Variants in FARS2 observed in about 807,000 individuals in gnomAD.
FARS2 encodes the protein phenylalanine--tRNA ligase, mitochondrial.
In FARS2, 40 loss-of-function variants were observed where a neutral mutation model predicts 46.4. The observed-to-expected ratio is 0.86, with a 90% CI of 0.67 to 1.12. FARS2 has a LOEUF of 1.12. FARS2 is among the 50% of genes most tolerant of loss of function. The pLI is 0.00. For missense variants in FARS2, 513 were observed against 567.9 expected (o/e 0.90, Z 0.98); for synonymous variants, 234 against 214.9 (o/e 1.09, Z -0.78).
At chr6:5,325,238 A>G (rs950772479) in intron 1 of FARS2, among the ~76,000 whole-genome samples, 2 of 152,212 alleles carry the variant, frequency 1.3e-5, no homozygotes, top group African/African-American at 4.8e-5. Context: ...GTCAAAGGAT[A>G]GAGGAACTGC....
intron 1 of FARS2, among the ~76,000 whole-genome samples, chr6:5,350,188 TGTA>T (rs1757489455): frequency 7.5e-6 from 1 of 132,774 alleles, no homozygotes; most frequent in Non-Finnish European, 1.6e-5. Flanking sequence ...TTTTTTTTTT[TGTA>T]GAGTTGGGGT....
upstream of FARS2, among the ~76,000 whole-genome samples, chr6:5,258,683 G>GT (rs1294632359): frequency 3.9e-5 from 6 of 152,142 alleles, no homozygotes; most frequent in Non-Finnish European, 5.9e-5. Flanking sequence ...ATGATCTCAG[G>GT]TAACAGTATA....
At chr6:5,470,660 C>A (rs569085667) in intron 4 of FARS2, among the ~76,000 whole-genome samples, 3 of 152,084 alleles carry the variant, frequency 2.0e-5, no homozygotes. Flanking sequence ...TTCTGTATAG[C>A]GCATGGGACT....
At chr6:5,508,437 G>A (rs1223690378) in intron 4 of FARS2, among the ~76,000 whole-genome samples, 1 of 152,178 alleles carries the variant, frequency 6.6e-6, no homozygotes, top group East Asian at 1.9e-4. Flanking sequence ...GTGAACACAT[G>A]ACAGCAGGGA....
chr6:5,296,376 C>CAT (rs958772125), intron 1 of FARS2, among the ~76,000 whole-genome samples: 6 of 152,014 alleles, frequency 3.9e-5, no homozygotes, highest in Non-Finnish European at 8.8e-5. Flanking sequence ...CTCCTGACCT[C>CAT]GTGATCCGCC....
At chr6:5,347,653 T>C (rs1757323249) in intron 1 of FARS2, among the ~76,000 whole-genome samples, 1 of 152,216 alleles carries the variant, frequency 6.6e-6, no homozygotes, top group Non-Finnish European at 1.5e-5. Context: ...GAGTATTTTT[T>C]CTTGGTTAAA....
intron 1 of FARS2, among the ~76,000 whole-genome samples, chr6:5,332,956 C>G (rs1770901200): frequency 6.6e-6 from 1 of 152,126 alleles, no homozygotes; most frequent in Non-Finnish European, 1.5e-5. Flanking sequence ...TGACCCAGCT[C>G]TTAGGTTTAT....
intron 1 of FARS2, among the ~76,000 whole-genome samples, chr6:5,265,582 A>G (rs551042346): frequency 5.9e-5 from 9 of 152,310 alleles, no homozygotes; most frequent in African/African-American, 1.7e-4. Context: ...TTATTTATTT[A>G]CCTGTGCATT....
At chr6:5,605,898 T>C (rs574514937) in intron 5 of FARS2, among the ~76,000 whole-genome samples, 2 of 152,210 alleles carry the variant, frequency 1.3e-5, no homozygotes, top group South Asian at 2.1e-4. Flanking sequence ...AAATGAGTGA[T>C]AGATTCATTA....
intron 6 of FARS2, among the ~76,000 whole-genome samples, chr6:5,744,303 G>A (rs1761521967): frequency 6.6e-6 from 1 of 152,198 alleles, no homozygotes; most frequent in African/African-American, 2.4e-5. Flanking sequence ...CTCATGAATC[G>A]AATTCAGTCC....
intron 6 of FARS2, among the ~76,000 whole-genome samples, chr6:5,726,972 G>A (rs1232085949): frequency 1.4e-4 from 21 of 152,242 alleles, no homozygotes; most frequent in Admixed American, 1.0e-3. Context: ...GTTAAAACAA[G>A]CACAGTTCAA....
intron 3 of FARS2, among the ~76,000 whole-genome samples, chr6:5,410,465 T>A (rs561257490): frequency 2.0e-5 from 3 of 152,102 alleles, no homozygotes; most frequent in African/African-American, 4.8e-5. Flanking sequence ...CCTGGCCGCG[T>A]TGTTCTATTT....
intron 4 of FARS2, among the ~76,000 whole-genome samples, chr6:5,459,665 A>G (rs982740422): frequency 9.8e-5 from 15 of 152,306 alleles, no homozygotes; most frequent in Non-Finnish European, 2.2e-4. Flanking sequence ...TTTTAAAAAA[A>G]GACTTCTATT....
At chr6:5,539,144 C>T (rs948169153) in intron 4 of FARS2, among the ~76,000 whole-genome samples, 5 of 152,028 alleles carry the variant, frequency 3.3e-5, no homozygotes, top group Non-Finnish European at 7.4e-5. Flanking sequence ...CAACCATCAG[C>T]CTTCCTTTCC....
intron 1 of FARS2, among the ~76,000 whole-genome samples, chr6:5,320,342 G>A (rs1387879348): frequency 6.6e-6 from 1 of 152,196 alleles, no homozygotes; most frequent in Non-Finnish European, 1.5e-5. Context: ...AAGTATTAAT[G>A]ATGGGAGGCC....
chr6:5,691,150 C>T lies in FARS2; in HGVS notation c.1217+77830C>T, dbSNP rs542226050. ...TGGGTTCAAACTTCCTCCTTTAGCT[C>T]GGAGTAGTTTGATCGTCTGAAGCCT... On this transcript the variant is annotated intron_variant, in intron 6 of 6. Transcript: ENST00000274680. Among the ~76,000 whole-genome samples, 602 of 152,252 alleles carry T rather than the reference C, an allele frequency of 4.0e-3. 2 individuals carry two copies. Among genetic ancestry groups the T allele is most frequent in the Non-Finnish European group, 6.5e-3 (440 of 68,026 alleles).
At chr6:5,609,982 T>G in intron 5 of FARS2, 3 of 1,225,770 alleles carry the variant, frequency 2.4e-6, no homozygotes, top group Non-Finnish European at 3.6e-6. Flanking sequence ...TGGCCTTGCA[T>G]TCGTGGCTGC....
intron 4 of FARS2, among the ~76,000 whole-genome samples, chr6:5,468,105 C>T (rs981932229): frequency 6.6e-6 from 1 of 152,118 alleles, no homozygotes; most frequent in African/African-American, 2.4e-5. Flanking sequence ...TGGTGATATT[C>T]TCAACCCAAG....
At chr6:5,622,378 T>C (rs1775819144) in intron 6 of FARS2, among the ~76,000 whole-genome samples, 1 of 152,248 alleles carries the variant, frequency 6.6e-6, no homozygotes, top group South Asian at 2.1e-4. Flanking sequence ...TCTAGGCTAT[T>C]CCACATGATG....
Sources: allele counts gnomAD v4.1 joint callset (sites outside exome capture counted in the v4.1 genomes callset), GRCh38; gene constraint gnomAD v4.1.1; transcripts MANE v1.5; gene names NCBI Gene and HGNC (gene_info 2026-07-23, HGNC 2026-07-21).